The following INSL6 variants were observed in gnomAD, a reference collection of about 807,000 sequenced individuals.
INSL6 encodes the protein insulin like 6, also known as insulin-like peptide INSL6.
A neutral mutation model predicts 9.4 loss-of-function variants in INSL6; 16 were observed. That is an observed-to-expected ratio of 1.70 (90% CI 1.15 to 2.59). The LOEUF is 2.59. Ranked by LOEUF, INSL6 falls within the 30% of genes most tolerant of loss-of-function variation. The pLI is 0.00. For missense variants in INSL6, 391 were observed against 257.3 expected, an observed-to-expected ratio of 1.52 and a Z score of -3.56; for synonymous variants, 154 against 96.9, an observed-to-expected ratio of 1.59 and a Z score of -3.46.
chr9:5,041,676 C>G, the INSL6 span: 1 of 511,160 alleles, frequency 2.0e-6, no homozygotes, highest in Non-Finnish European at 3.9e-6. Flanking sequence ...CTCCAGCTAC[C>G]TCTTCGACCG....
intron 2 of INSL6, among the ~76,000 whole-genome samples, chr9:5,148,561 C>T (rs1284417710): frequency 2.0e-5 from 3 of 152,164 alleles, no homozygotes; most frequent in African/African-American, 7.2e-5. Flanking sequence ...GGAAATAGGC[C>T]ATACCCTTAC....
the INSL6 span, among the ~76,000 whole-genome samples, chr9:5,101,627 G>C: frequency 6.6e-6 from 1 of 152,206 alleles, no homozygotes; most frequent in African/African-American, 2.4e-5. Context: ...TCCCAGTAGA[G>C]GCCAACTGAC....
the INSL6 span, among the ~76,000 whole-genome samples, chr9:5,032,383 C>T: frequency 2.0e-5 from 3 of 152,218 alleles, no homozygotes; most frequent in African/African-American, 7.2e-5. Flanking sequence ...CCCTGTCTGA[C>T]AGCTTTGAAG....
At chr9:5,145,341 G>T (rs186864620) in intron 2 of INSL6, among the ~76,000 whole-genome samples, 1 of 152,158 alleles carries the variant, frequency 6.6e-6, no homozygotes, top group East Asian at 1.9e-4. Flanking sequence ...TAGTAAGACA[G>T]ACTTCCCTTT....
chr9:5,051,578 T>A, the INSL6 span, among the ~76,000 whole-genome samples: 3 of 152,302 alleles, frequency 2.0e-5, no homozygotes, highest in African/African-American at 7.2e-5. Flanking sequence ...ATTCTTCAAA[T>A]TATTCTTCTG....
At chr9:5,112,122 C>T in the INSL6 span, 2 of 319,902 alleles carry the variant, frequency 6.3e-6, no homozygotes, top group South Asian at 2.5e-5. Flanking sequence ...ACGTGCTCTG[C>T]AGCCACGCCA....
At chr9:4,992,170 G>A in the INSL6 span, among the ~76,000 whole-genome samples, 4 of 152,278 alleles carry the variant, frequency 2.6e-5, no homozygotes, top group African/African-American at 9.6e-5. Context: ...TCACATGATG[G>A]GTAGTTGATG....
intron 1 of INSL6, 87 bp downstream of exon 1, chr9:5,185,227 C>T: frequency 1.3e-6 from 2 of 1,549,420 alleles, no homozygotes; most frequent in Non-Finnish European, 8.9e-7. Context: ...ATTCCACTTC[C>T]TGGGGAAGCT....
chr9:5,115,481 A>G, the INSL6 span, among the ~76,000 whole-genome samples: 1 of 152,206 alleles, frequency 6.6e-6, no homozygotes, highest in African/African-American at 2.4e-5. Flanking sequence ...AATTAGTTCA[A>G]CCATTGTGGA....
At chr9:5,036,980 A>G in the INSL6 span, among the ~76,000 whole-genome samples, 2 of 152,242 alleles carry the variant, frequency 1.3e-5, no homozygotes, top group African/African-American at 4.8e-5. Flanking sequence ...AAGGGCTAAT[A>G]TCCAGAATAT....
chr9:5,185,174 ACT>A, intron 1 of INSL6, 138 bp downstream of exon 1: 2 of 1,031,658 alleles, frequency 1.9e-6, no homozygotes, highest in Non-Finnish European at 2.9e-6. Context: ...TTTTCAATAC[ACT>A]GTTTTTTACA....
the INSL6 span, among the ~76,000 whole-genome samples, chr9:5,023,889 G>C: frequency 1.3e-5 from 2 of 149,636 alleles, no homozygotes; most frequent in South Asian, 4.2e-4. Flanking sequence ...ATTTTAGCTT[G>C]TAAGATTTTT....
chr9:5,024,422 G>C, the INSL6 span, among the ~76,000 whole-genome samples: 4 of 151,950 alleles, frequency 2.6e-5, no homozygotes, highest in African/African-American at 7.3e-5. Context: ...GCTCTGTGTT[G>C]GGGCTCTCAT....
chr9:5,081,815 CA>C, the INSL6 span: 1 of 1,613,572 alleles, frequency 6.2e-7, no homozygotes, highest in Non-Finnish European at 8.5e-7. Context: ...CGGGATCCTA[CA>C]CAGTTTGAAG....
the INSL6 span, among the ~76,000 whole-genome samples, chr9:5,018,321 TTTTG>T: frequency 3.5e-4 from 53 of 152,210 alleles, no homozygotes; most frequent in African/African-American, 1.1e-3. Flanking sequence ...TAATTGTCCT[TTTTG>T]TTTGTTTGTT....
At chr9:5,062,838 G>A in the INSL6 span, among the ~76,000 whole-genome samples, 1 of 152,110 alleles carries the variant, frequency 6.6e-6, no homozygotes, top group Non-Finnish European at 1.5e-5. Flanking sequence ...AATACCTCAT[G>A]TGTTTATAGG....
intron 1 of INSL6, among the ~76,000 whole-genome samples, chr9:5,170,407 A>C (rs1258433695): frequency 6.6e-6 from 1 of 152,080 alleles, no homozygotes; most frequent in Non-Finnish European, 1.5e-5. Context: ...GGTAGATCTC[A>C]AATCAACACC....
At chr9:5,028,288 A>T in the INSL6 span, among the ~76,000 whole-genome samples, 1 of 152,190 alleles carries the variant, frequency 6.6e-6, no homozygotes, top group Non-Finnish European at 1.5e-5. Flanking sequence ...GAGTAATAAT[A>T]CTTGGACAGG....
chr9:5,017,814 G>T, the INSL6 span, among the ~76,000 whole-genome samples: 2 of 152,150 alleles, frequency 1.3e-5, no homozygotes, highest in Non-Finnish European at 2.9e-5. Flanking sequence ...TGTTGTTGTT[G>T]TTTTGATACA....
Sources: allele counts gnomAD v4.1 joint callset (sites outside exome capture counted in the v4.1 genomes callset), GRCh38; gene constraint gnomAD v4.1.1; transcripts MANE v1.5; gene names NCBI Gene and HGNC (gene_info 2026-07-23, HGNC 2026-07-21).